The following GSTA4 variants were observed in gnomAD, a reference collection of about 807,000 sequenced individuals.
GSTA4 encodes the protein glutathione S-transferase alpha 4.
Under a neutral mutation model 24.4 loss-of-function variants are expected in GSTA4, and 15 were observed. The ratio of observed to expected loss-of-function variants is 0.61; its 90% CI spans 0.41 to 0.95. The LOEUF is 0.95. GSTA4 is among the 40% of genes least tolerant of loss of function. The pLI is 0.00. For synonymous variants in GSTA4, 92 were observed against 94.2 expected, an observed-to-expected ratio of 0.98 and a Z score of 0.13; for missense variants, 244 against 262.1, an observed-to-expected ratio of 0.93 and a Z score of 0.48.
Position 52,978,359 on chromosome 6 carries a change from C to T in GSTA4, c.*111G>A. The stretch of plus-strand genomic sequence containing the variant: ...TTGACACAAAAGACCCAACTTAGGA[C>T]CCAACTTAATACATAGATAGCACCA... On this transcript the variant is annotated 3_prime_UTR_variant, in exon 7 of 7. Transcript: ENST00000370963. The T allele has an allele frequency of 5.5e-6, 6 of 1,092,052 alleles. No homozygotes were observed. Among genetic ancestry groups the T allele is most frequent in the Non-Finnish European group, 6.7e-6 (5 of 750,724 alleles). 67.6% of individuals were successfully genotyped at this position (1,092,052 alleles called of 1,614,324 possible).
intron 1 of GSTA4, 23 bp from the exon 2 acceptor site, chr6:52,994,284 C>T (rs775528942): frequency 2.7e-5 from 36 of 1,317,050 alleles, no homozygotes; most frequent in Non-Finnish European, 6.6e-6. Flanking sequence ...TGCAGCAGCT[C>T]GTCGCAGACC....
intron 6 of GSTA4, 131 bp downstream of exon 6, chr6:52,982,443 T>C (rs920411397): frequency 3.4e-6 from 2 of 587,744 alleles, no homozygotes; most frequent in Non-Finnish European, 5.7e-6. Flanking sequence ...TTCATTTCAT[T>C]TGCCAAACTA....
chr6:52,986,374 C>G (rs1346108113), intron 3 of GSTA4, among the ~76,000 whole-genome samples: 1 of 152,192 alleles, frequency 6.6e-6, no homozygotes, highest in African/African-American at 2.4e-5. Flanking sequence ...GAATGTTCTG[C>G]TGGACAGCAC....
chr6:52,978,415 T>C lies in GSTA4; in HGVS notation c.*55A>G. The stretch of plus-strand genomic sequence containing the variant: ...GAGCTGGGATCCATTAAGACATGAC[T>C]GTAGACAATACCATCTCTAGGAACA... On this transcript the variant is annotated 3_prime_UTR_variant, in exon 7 of 7. Transcript: ENST00000370963. 6.4e-7 allele frequency: 1 copy of C among 1,573,688 alleles called. No individual in the cohort carries two copies. The highest frequency in any genetic ancestry group is 8.7e-7 in the Non-Finnish European group (1 of 1,146,486).
chr6:52,987,387 T>C lies in GSTA4; in HGVS notation c.109A>G (p.Thr37Ala), dbSNP rs768373239. The C allele has an allele frequency of 1.3e-6, 2 of 1,585,340 alleles. No homozygotes were observed. Among genetic ancestry groups the C allele is most frequent in the East Asian group, 2.2e-5 (1 of 44,736 alleles). ...TGCAACTTGTACAACTGTTCTTTTG[T>C]TTCCAGAAATTCTTCATCAAACTAA... ...GVEFDEEFLE[T>A]KEQLYKLQDG... The change falls in exon 3 of 7, where the codon ACA becomes GCA. Residue 37 changes from threonine to alanine, a missense_variant. Coordinates refer to ENST00000370963, the MANE Select transcript of GSTA4 (RefSeq NM_001512.4).
At chr6:52,992,963 C>T (rs1019593477) in intron 2 of GSTA4, among the ~76,000 whole-genome samples, 2 of 151,966 alleles carry the variant, frequency 1.3e-5, no homozygotes, top group East Asian at 1.9e-4. Context: ...ATTAGCTGGT[C>T]GTGGTGGTGT....
At chr6:52,989,041 G>T (rs771634919) in intron 2 of GSTA4, among the ~76,000 whole-genome samples, 1 of 152,114 alleles carries the variant, frequency 6.6e-6, no homozygotes, top group Admixed American at 6.6e-5. Flanking sequence ...GATAAAACAG[G>T]TTGCATTAAA....
intron 2 of GSTA4, among the ~76,000 whole-genome samples, chr6:52,992,956 A>T (rs1296135221): frequency 6.6e-6 from 1 of 152,138 alleles, no homozygotes; most frequent in East Asian, 1.9e-4. Flanking sequence ...TACAAAAATT[A>T]GCTGGTCGTG....
In GSTA4 at chr6:52,994,248, G is replaced by A. The variant is rs373188007; in HGVS notation, c.-5C>T. On this transcript the variant is annotated 5_prime_UTR_variant, in exon 2 of 7. Transcript: ENST00000370963. The stretch of plus-strand genomic sequence containing the variant: ...GAGCTTGGGCCTTGCTGCCATGATA[G>A]CTTTTCAGGCTTTCTGAAATACAAA... 10 of 1,590,590 alleles carry A rather than the reference G, an allele frequency of 6.3e-6. No homozygotes were observed. The South Asian group carries it at 9.9e-5, about 16-fold the overall frequency.
chr6:52,986,697 C>G (rs1390797169), intron 3 of GSTA4, among the ~76,000 whole-genome samples: 2 of 152,144 alleles, frequency 1.3e-5, no homozygotes. Context: ...TTCCAGCCAC[C>G]GTCACACACA....
rs1200131024 is a variant in GSTA4, at chr6:52,985,431, C to T, written c.272+20G>A. 1.2e-6 allele frequency: 2 copies of T among 1,609,738 alleles called. No individual in the cohort carries two copies. The highest frequency in any genetic ancestry group is 1.7e-5 in the Admixed American group (1 of 59,374). ...ATCAGTAAGCTGACAAGTGACAACACTCGAGAGGGGCCACAGTACAGGGTT... is the reference window on the plus strand; with the variant it reads ...ATCAGTAAGCTGACAAGTGACAACATTCGAGAGGGGCCACAGTACAGGGTT... On this transcript the variant is annotated intron_variant, in intron 4 of 6. Coordinates refer to ENST00000370963, the MANE Select transcript of GSTA4 (RefSeq NM_001512.4).
intron 2 of GSTA4, among the ~76,000 whole-genome samples, chr6:52,990,869 G>A (rs529733661): frequency 6.6e-6 from 1 of 152,270 alleles, no homozygotes; most frequent in South Asian, 2.1e-4. Context: ...AAACAAGAGG[G>A]CGAGGTGGGG....
chr6:52,982,088 C>T (rs1278084761), intron 6 of GSTA4, among the ~76,000 whole-genome samples: 1 of 152,174 alleles, frequency 6.6e-6, no homozygotes, highest in Non-Finnish European at 1.5e-5. Flanking sequence ...GTTTATCTCG[C>T]CCACTATTCC....
intron 6 of GSTA4, among the ~76,000 whole-genome samples, chr6:52,982,027 T>C (rs757638694): frequency 6.6e-6 from 1 of 152,184 alleles, no homozygotes; most frequent in East Asian, 1.9e-4. Flanking sequence ...CTTGAGACCA[T>C]ACTATTTCTG....
chr6:52,991,210 G>A (rs1435606307), intron 2 of GSTA4, among the ~76,000 whole-genome samples: 1 of 152,172 alleles, frequency 6.6e-6, no homozygotes, highest in Non-Finnish European at 1.5e-5. Context: ...TAGTTAATGA[G>A]TGACAAGTAC....
intron 6 of GSTA4, among the ~76,000 whole-genome samples, chr6:52,980,575 A>AC (rs1328773727): frequency 4.6e-5 from 7 of 152,156 alleles, no homozygotes; most frequent in African/African-American, 1.7e-4. Flanking sequence ...AAGTGCTGGG[A>AC]TTACAGGTGT....
chr6:52,987,281 T>G (rs1763579934), intron 3 of GSTA4, 76 bp downstream of exon 3: 2 of 880,930 alleles, frequency 2.3e-6, no homozygotes, highest in Admixed American at 4.1e-5. Context: ...CATTGAATAC[T>G]TTTGCCCTTC....
intron 2 of GSTA4, among the ~76,000 whole-genome samples, chr6:52,991,756 CTT>C (rs11440808): frequency 1.5e-4 from 19 of 130,078 alleles, no homozygotes; most frequent in Admixed American, 2.3e-4. Context: ...CTATTAATAC[CTT>C]TTTTTTTTTT....
rs1763532537 is a variant in GSTA4, at chr6:52,985,453, G to A, written c.270C>T (p.Thr90=). ...NLFGKNLKER[T]LIDMYVEGTL... ...ACACTCGAGAGGGGCCACAGTACAG[G>A]GTTCTCTCCTTGAGGTTCTTGCCAA... Residue 90 remains threonine (T), a splice_region_variant and synonymous_variant, in exon 4 of 7, where the codon ACC becomes ACT. Coordinates refer to ENST00000370963, the MANE Select transcript of GSTA4 (RefSeq NM_001512.4). The A allele has an allele frequency of 6.2e-7, 1 of 1,613,934 alleles. No homozygotes were observed.
Sources: allele counts gnomAD v4.1 joint callset (sites outside exome capture counted in the v4.1 genomes callset), GRCh38; gene constraint gnomAD v4.1.1; transcripts MANE v1.5; gene names NCBI Gene and HGNC (gene_info 2026-07-23, HGNC 2026-07-21).